The following MSRA variants were observed in gnomAD, a reference collection of about 807,000 sequenced individuals.
The protein encoded by MSRA is mitochondrial peptide methionine sulfoxide reductase.
In MSRA, 54 loss-of-function variants were observed where a neutral mutation model predicts 31.3. The ratio of observed to expected loss-of-function variants is 1.73; its 90% CI spans 1.39 to 2.17. The LOEUF (loss-of-function observed/expected upper bound fraction) is 2.17. Among genes scored for constraint, MSRA ranks in the 30% most tolerant of loss-of-function variants. MSRA has a pLI of 0.00. For missense variants in MSRA, 507 were observed against 300.9 expected, an observed-to-expected ratio of 1.69 and a Z score of -5.07; for synonymous variants, 169 against 116.5, an observed-to-expected ratio of 1.45 and a Z score of -2.90.
chr8:10,251,868 G>GT (rs386412048), intron 3 of MSRA, among the ~76,000 whole-genome samples: 2 of 151,768 alleles, frequency 1.3e-5, no homozygotes, highest in Non-Finnish European at 2.9e-5. Flanking sequence ...TGGTGGGGGG[G>GT]GGGGGACATA....
At chr8:10,143,856 A>G (rs143282411) in intron 1 of MSRA, among the ~76,000 whole-genome samples, 89 of 152,262 alleles carry the variant, frequency 5.8e-4, no homozygotes, top group Admixed American at 1.3e-3. Context: ...CCTTATTCTT[A>G]TTCTTGGAGC....
chr8:10,069,686 G>C (rs1367814899), intron 1 of MSRA, among the ~76,000 whole-genome samples: 1 of 152,156 alleles, frequency 6.6e-6, no homozygotes, highest in Admixed American at 6.5e-5. Context: ...TCATCCATGA[G>C]GGATGAGCCC....
At chr8:10,353,835 C>A (rs1281862023) in intron 5 of MSRA, 2 of 260,034 alleles carry the variant, frequency 7.7e-6, no homozygotes, top group African/African-American at 4.6e-5. Flanking sequence ...AGACATTTTA[C>A]CATGTCTTGT....
At chr8:10,248,994 T>A (rs1797776220) in intron 3 of MSRA, among the ~76,000 whole-genome samples, 1 of 152,176 alleles carries the variant, frequency 6.6e-6, no homozygotes. Context: ...TGGAATGCCC[T>A]GACTGTGTAA....
chr8:10,347,343 A>G (rs375735003), intron 5 of MSRA, among the ~76,000 whole-genome samples: 1 of 152,146 alleles, frequency 6.6e-6, no homozygotes, highest in African/African-American at 2.4e-5. Flanking sequence ...GCAACTGGAT[A>G]TTCCACTTGC....
chr8:10,380,845 T>TGCTG (rs1040754285), intron 5 of MSRA, among the ~76,000 whole-genome samples: 2 of 145,136 alleles, frequency 1.4e-5, no homozygotes, highest in East Asian at 4.1e-4. Context: ...TGGAATGGAA[T>TGCTG]GCTGGCTGGC....
intron 1 of MSRA, among the ~76,000 whole-genome samples, chr8:10,065,222 G>A (rs931926052): frequency 2.6e-5 from 4 of 152,086 alleles, no homozygotes; most frequent in South Asian, 2.1e-4. Context: ...AGGGTGTCCA[G>A]GTGGTCCTGA....
chr8:10,348,870 C>G (rs1023747532), intron 5 of MSRA, among the ~76,000 whole-genome samples: 3 of 152,088 alleles, frequency 2.0e-5, no homozygotes, highest in Non-Finnish European at 4.4e-5. Context: ...GTGTGCATAA[C>G]GATCTCATAG....
chr8:10,197,156 A>G (rs1280283196), intron 1 of MSRA, among the ~76,000 whole-genome samples: 1 of 152,144 alleles, frequency 6.6e-6, no homozygotes, highest in Non-Finnish European at 1.5e-5. Flanking sequence ...AGATTATCTA[A>G]TTTTGGTAGT....
chr8:10,256,918 A>G (rs1293829764), intron 3 of MSRA, among the ~76,000 whole-genome samples: 1 of 152,222 alleles, frequency 6.6e-6, no homozygotes, highest in Non-Finnish European at 1.5e-5. Context: ...TGGGTCCAGA[A>G]GAAACTCTCA....
intron 5 of MSRA, among the ~76,000 whole-genome samples, chr8:10,413,023 T>C (rs1006563406): frequency 6.6e-6 from 1 of 152,208 alleles, no homozygotes; most frequent in African/African-American, 2.4e-5. Flanking sequence ...CATTCCCAAA[T>C]GTTTACAGCA....
chr8:10,425,352 T>C (rs1158868023), intron 5 of MSRA, among the ~76,000 whole-genome samples: 2 of 152,198 alleles, frequency 1.3e-5, no homozygotes, highest in Non-Finnish European at 2.9e-5. Context: ...TGCCATCTTG[T>C]GGCTGAGGCT....
At chr8:10,223,913 G>T (rs189232969) in intron 2 of MSRA, among the ~76,000 whole-genome samples, 91 of 152,218 alleles carry the variant, frequency 6.0e-4, no homozygotes, top group African/African-American at 2.2e-3. Flanking sequence ...AATGGGTTTT[G>T]GTGACAGTGT....
chr8:10,339,022 C>T (rs781487317), intron 5 of MSRA, among the ~76,000 whole-genome samples: 2 of 152,194 alleles, frequency 1.3e-5, no homozygotes, highest in Non-Finnish European at 2.9e-5. Context: ...GATGAAAGAT[C>T]TGGCATTTTA....
At chr8:10,144,214 G>A (rs564371969) in intron 1 of MSRA, among the ~76,000 whole-genome samples, 2 of 152,312 alleles carry the variant, frequency 1.3e-5, no homozygotes, top group East Asian at 1.9e-4. Context: ...ATCGCTAGTC[G>A]TAGTGTGTCT....
intron 1 of MSRA, among the ~76,000 whole-genome samples, chr8:10,175,848 A>G (rs994036026): frequency 1.3e-5 from 2 of 152,162 alleles, no homozygotes; most frequent in African/African-American, 2.4e-5. Context: ...GCCGTTTTTA[A>G]TATTTACTTT....
rs181997275 is a variant in MSRA at position 10,157,732 on chromosome 8, A to G, written c.143-50101A>G. On this transcript the variant is annotated intron_variant, in intron 1 of 5. Transcript: ENST00000317173. ...ATCAGGACCTAAAGAAGGTTCACAC[A>G]TTGCAATTGCTGATAGGCCTCTCTC... Among the ~76,000 whole-genome samples the G allele has an allele frequency of 4.6e-5, 7 of 152,100 alleles. No homozygotes were observed. The East Asian group carries it at 1.2e-3, about 25-fold the overall frequency.
intron 1 of MSRA, among the ~76,000 whole-genome samples, chr8:10,147,900 C>T (rs1403454720): frequency 6.6e-6 from 1 of 152,230 alleles, no homozygotes; most frequent in African/African-American, 2.4e-5. Context: ...CAACCGTGTT[C>T]CTCAGACTGA....
chr8:10,404,541 C>T (rs1213376258), intron 5 of MSRA, among the ~76,000 whole-genome samples: 1 of 152,240 alleles, frequency 6.6e-6, no homozygotes, highest in African/African-American at 2.4e-5. Context: ...CGGGCGGCCG[C>T]TCCCTCCCTC....
Sources: gnomAD v4.1 joint callset for allele counts (sites outside exome capture counted in the v4.1 genomes callset) on GRCh38, gnomAD v4.1.1 for gene constraint, MANE v1.5 for transcripts, NCBI Gene and HGNC (gene_info 2026-07-23, HGNC 2026-07-21) for gene names.